The following LAMA2 variants were observed in gnomAD, a reference collection of about 807,000 sequenced individuals.
The protein encoded by LAMA2 is laminin subunit alpha-2.
A neutral mutation model predicts 364.8 loss-of-function variants in LAMA2; 269 were observed. The ratio of observed to expected loss-of-function variants is 0.74; its 90% CI spans 0.67 to 0.82. The LOEUF is 0.82. Among genes scored for constraint, LAMA2 ranks in the 40% least tolerant of loss-of-function variants. The probability of loss-of-function intolerance (pLI) is 0.00; values close to 1 mark genes in which losing one functional copy is unlikely to be tolerated. For missense variants in LAMA2, 3,807 were observed against 3,873.2 expected (o/e 0.98, Z 0.45); for synonymous variants, 1,379 against 1,370.6 (o/e 1.01, Z -0.14).
chr6:129,072,035 T>C (rs1773350809), intron 3 of LAMA2, among the ~76,000 whole-genome samples: 1 of 152,116 alleles, frequency 6.6e-6, no homozygotes, highest in Non-Finnish European at 1.5e-5. Flanking sequence ...TAGTCCCAGC[T>C]ATTCTGGAGT....
intron 10 of LAMA2, among the ~76,000 whole-genome samples, chr6:129,188,604 G>A (rs1396096310): frequency 1.3e-5 from 2 of 151,912 alleles, no homozygotes; most frequent in Non-Finnish European, 2.9e-5. Flanking sequence ...ATTTGTCACT[G>A]TAAGTCTGAA....
intron 1 of LAMA2, among the ~76,000 whole-genome samples, chr6:128,902,723 A>G (rs66495768): frequency 0.13 from 19,781 of 152,062 alleles, 1,636 homozygotes; most frequent in African/African-American, 0.23. Flanking sequence ...TCTGTCACCC[A>G]TCTTTGCCCA....
chr6:129,369,848 A>C (rs1777972111), intron 33 of LAMA2, 44 bp from the exon 34 acceptor site: 1 of 1,508,942 alleles, frequency 6.6e-7, no homozygotes, highest in South Asian at 1.1e-5. Context: ...CTATCACTGC[A>C]AGGCCATTTA....
intron 2 of LAMA2, among the ~76,000 whole-genome samples, chr6:129,058,245 A>G (rs1394802268): frequency 6.6e-6 from 1 of 152,228 alleles, no homozygotes; most frequent in African/African-American, 2.4e-5. Flanking sequence ...ACAAGAACCA[A>G]TGACTGGGAA....
intron 35 of LAMA2, among the ~76,000 whole-genome samples, chr6:129,388,907 T>A (rs1779170952): frequency 6.6e-6 from 1 of 152,176 alleles, no homozygotes; most frequent in Non-Finnish European, 1.5e-5. Flanking sequence ...AATCTGCTAC[T>A]GCTTTCTTGA....
At chr6:129,310,164 G>A (rs1428119851) in intron 22 of LAMA2, among the ~76,000 whole-genome samples, 1 of 152,110 alleles carries the variant, frequency 6.6e-6, no homozygotes, top group East Asian at 1.9e-4. Flanking sequence ...CTCCCAAAGT[G>A]CTGGGATTAC....
chr6:129,363,165 G>A (rs1777564373), intron 32 of LAMA2, among the ~76,000 whole-genome samples: 1 of 152,140 alleles, frequency 6.6e-6, no homozygotes, highest in South Asian at 2.1e-4. Flanking sequence ...CTAGCTGGAT[G>A]TGGTGGCATG....
chr6:129,396,734 G>A (rs1435022598), intron 37 of LAMA2, among the ~76,000 whole-genome samples: 2 of 152,194 alleles, frequency 1.3e-5, no homozygotes, highest in Non-Finnish European at 2.9e-5. Flanking sequence ...AGAAGGCAGT[G>A]CGGATCAAGT....
intron 23 of LAMA2, among the ~76,000 whole-genome samples, chr6:129,314,090 T>C (rs995945087): frequency 7.2e-5 from 11 of 152,208 alleles, no homozygotes; most frequent in African/African-American, 2.4e-4. Context: ...GTAGAAAATG[T>C]ACCACTTACA....
In LAMA2 at chr6:129,492,424, A is replaced by T; in HGVS notation, c.8185A>T (p.Ile2729Phe). ...EDGAAPAEIV[I>F]QPEPVPTPAF... Reference sequence around the variant, plus strand: ...TGGAGCAGCTCCAGCTGAAATAGTTATCCAGCCTGAGCCAGTTCCCACCCC... The same window carrying T: ...TGGAGCAGCTCCAGCTGAAATAGTTTTCCAGCCTGAGCCAGTTCCCACCCC... Residue 2729 changes from isoleucine (I) to phenylalanine (F), a missense_variant, in exon 58 of 65, where the codon ATC becomes TTC. Around this residue, in one of 3 missense-constraint regions of LAMA2, gnomAD observed 3,333 missense variants for 3,345.7 expected, o/e 1.00. Transcript: ENST00000421865. The T allele has an allele frequency of 6.2e-7, 1 of 1,614,136 alleles. No individual in the cohort carries two copies. Among genetic ancestry groups the T allele is most frequent in the Non-Finnish European group, 8.5e-7 (1 of 1,179,970 alleles).
intron 1 of LAMA2, among the ~76,000 whole-genome samples, chr6:129,004,503 T>C (rs891232973): frequency 6.6e-6 from 1 of 151,818 alleles, no homozygotes; most frequent in Non-Finnish European, 1.5e-5. Context: ...TGCACCTATA[T>C]GTACTTCTGG....
chr6:129,360,740 C>T (rs1450507375), intron 32 of LAMA2, among the ~76,000 whole-genome samples: 1 of 152,188 alleles, frequency 6.6e-6, no homozygotes, highest in Non-Finnish European at 1.5e-5. Context: ...TTCATTTCAA[C>T]AGCTGAAGAT....
rs552779047 is a variant in LAMA2, at chr6:129,497,920, C to T, written c.8245-4739C>T. ...ACTTCTCTCTTATTCTTTAGCCCAT[C>T]GAGAGCTAGAGAAAACATTTCTACA... On this transcript the variant is annotated intron_variant, in intron 58 of 64. Coordinates refer to ENST00000421865, the MANE Select transcript of LAMA2 (RefSeq NM_000426.4). Among the ~76,000 whole-genome samples, 55 of 152,200 alleles carry T rather than the reference C, an allele frequency of 3.6e-4. No homozygotes were observed. In the South Asian group the frequency reaches 6.8e-3, roughly 19 times the overall value.
chr6:129,288,343 C>A (rs1458729227), intron 19 of LAMA2, among the ~76,000 whole-genome samples: 2 of 151,854 alleles, frequency 1.3e-5, no homozygotes, highest in Non-Finnish European at 2.9e-5. Context: ...AACTTATGTC[C>A]ACAGCAGGAA....
At chr6:129,421,341 A>G (rs1781062908) in intron 40 of LAMA2, among the ~76,000 whole-genome samples, 1 of 151,826 alleles carries the variant, frequency 6.6e-6, no homozygotes, top group Non-Finnish European at 1.5e-5. Context: ...GTATGAATAT[A>G]TATATATGTA....
chr6:129,454,448 G>T (rs1012889238), intron 47 of LAMA2, among the ~76,000 whole-genome samples, 160 bp downstream of exon 47: 23 of 152,204 alleles, frequency 1.5e-4, no homozygotes, highest in Admixed American at 1.4e-3. Context: ...GGGTATGTTT[G>T]TCATACTTCT....
chr6:128,984,375 A>G (rs796997472), intron 1 of LAMA2, among the ~76,000 whole-genome samples: 11 of 152,276 alleles, frequency 7.2e-5, no homozygotes, highest in African/African-American at 2.6e-4. Context: ...AGATGTTTGC[A>G]AACTTACCTC....
chr6:128,888,530 G>A (rs1409396923), intron 1 of LAMA2, among the ~76,000 whole-genome samples: 3 of 152,204 alleles, frequency 2.0e-5, no homozygotes, highest in Non-Finnish European at 2.9e-5. Context: ...ATGGAGGGAG[G>A]TTGATGGCTA....
chr6:129,496,633 G>A (rs772890149), intron 58 of LAMA2, among the ~76,000 whole-genome samples: 12 of 152,138 alleles, frequency 7.9e-5, no homozygotes, highest in African/African-American at 1.2e-4. Flanking sequence ...CTTTTTGTGT[G>A]TGTAGGGGGA....
Sources: allele counts gnomAD v4.1 joint callset (sites outside exome capture counted in the v4.1 genomes callset), GRCh38; gene constraint gnomAD v4.1.1; regional missense constraint gnomAD v4.1.1; transcripts MANE v1.5; gene names NCBI Gene and HGNC (gene_info 2026-07-23, HGNC 2026-07-21).